Variants in ABCC5 observed in about 807,000 individuals in gnomAD.
ABCC5 encodes ATP-binding cassette sub-family C member 5.
In ABCC5, 61 loss-of-function variants were observed where a neutral mutation model predicts 160.9. The observed-to-expected ratio is 0.38, with a 90% CI of 0.31 to 0.47. ABCC5 has a LOEUF of 0.47. Ranked by LOEUF, ABCC5 falls within the 20% of genes least tolerant of loss-of-function variation. ABCC5 has a pLI of 0.99. For synonymous variants in ABCC5, 666 were observed against 700.6 expected (o/e 0.95, Z 0.78); for missense variants, 1,308 against 1,813.3 (o/e 0.72, Z 5.06).
intron 26 of ABCC5, among the ~76,000 whole-genome samples, chr3:183,930,066 G>A (rs1158954580): frequency 6.6e-6 from 1 of 152,226 alleles, no homozygotes; most frequent in Non-Finnish European, 1.5e-5. Flanking sequence ...AACATTTGGA[G>A]GTCTAGTAAT....
At position 183,963,683 on chromosome 3, in the gene ABCC5, C is replaced by A; in HGVS notation, c.2032-95G>T. 1.7e-6 allele frequency: 2 copies of A among 1,171,630 alleles called. No homozygotes were observed. The highest frequency in any genetic ancestry group is 1.2e-6 in the Non-Finnish European group (1 of 825,238). 72.6% of individuals were successfully genotyped at this position (1,171,630 alleles called of 1,614,324 possible). On this transcript the variant is annotated intron_variant, in intron 14 of 29. Coordinates refer to ENST00000334444, the MANE Select transcript of ABCC5 (RefSeq NM_005688.4). This position sits in a 1 kb window ranked among gnomAD's most constrained non-coding sequence, Gnocchi z 4.6. ...CACTTCTCTTCTTGCCCACCCAGAC[C>A]AGCTCCTTCTGTCAATTCCCCGCAG...
chr3:183,978,749 C>T (rs1180070041), intron 8 of ABCC5, 98 bp from the exon 9 acceptor site: 7 of 1,313,096 alleles, frequency 5.3e-6, no homozygotes, highest in Non-Finnish European at 7.3e-6. Context: ...TCTCCAGCCA[C>T]CCTTCAACAC....
chr3:183,940,945 G>A (rs150691624), intron 25 of ABCC5, among the ~76,000 whole-genome samples: 2 of 152,108 alleles, frequency 1.3e-5, no homozygotes, highest in African/African-American at 2.4e-5. Context: ...TGCAACCTCC[G>A]CCTCCTGGGT....
At chr3:184,009,767 C>T (rs984018244) in intron 2 of ABCC5, 6 of 210,936 alleles carry the variant, frequency 2.8e-5, no homozygotes, top group African/African-American at 1.2e-4. Flanking sequence ...GACTAAGTAA[C>T]AGAAAGAGAG....
chr3:183,951,476 C>T lies in ABCC5; in HGVS notation c.2909G>A (p.Arg970Lys). The T allele has an allele frequency of 6.8e-6, 11 of 1,614,200 alleles. No homozygotes were observed. The highest frequency in any genetic ancestry group is 9.3e-6 in the Non-Finnish European group (11 of 1,180,042). Residue 970 changes from arginine (R) to lysine (K), a missense_variant, in exon 20 of 30, where the codon AGG (arginine) becomes AAG (lysine). Physicochemically the swap from Arg to Lys is conservative, Grantham distance 26. Transcript: ENST00000334444. The surrounding 1 kb of genome is among the most constrained non-coding windows in gnomAD (Gnocchi z 4.7). ...GTCTTTGGAAAACCTGTTGAGAATC[C>T]TCCCTGTGGGGGTCGTGTCAAAAAA... ...MKFFDTTPTGRILNRFSKDMD... is the reference protein window; with the variant it reads ...MKFFDTTPTGKILNRFSKDMD...
chr3:183,923,840 A>G (rs1430194515), intron 29 of ABCC5, among the ~76,000 whole-genome samples: 1 of 152,046 alleles, frequency 6.6e-6, no homozygotes, highest in Non-Finnish European at 1.5e-5. Flanking sequence ...CTTAGCCCCC[A>G]AGTTCTCTCA....
intron 27 of ABCC5, 45 bp downstream of exon 27, chr3:183,928,702 C>A: frequency 6.4e-7 from 1 of 1,561,262 alleles, no homozygotes; most frequent in South Asian, 1.1e-5. Flanking sequence ...GCTGTGCTTC[C>A]ACCCTCACCA....
rs182604459 is a variant in ABCC5, at chr3:183,937,196, G to A, written c.3854+705C>T. Among the ~76,000 whole-genome samples, 182 of 152,174 alleles carry A rather than the reference G, an allele frequency of 1.2e-3. 3 individuals carry two copies. The highest frequency in any genetic ancestry group is 3.4e-3 in the Middle Eastern group (1 of 294). On this transcript the variant is annotated intron_variant, in intron 26 of 29. Coordinates refer to ENST00000334444, the MANE Select transcript of ABCC5 (RefSeq NM_005688.4). ...GTTCAAGGCCAGCCTGGCCAACATG[G>A]TGAAACCTCATCTCTACTAAAAATA...
At chr3:183,977,479 G>T in intron 10 of ABCC5, 38 bp downstream of exon 10, 1 of 1,456,402 alleles carries the variant, frequency 6.9e-7, no homozygotes, top group South Asian at 1.1e-5. Context: ...TGTGTGGGGA[G>T]GGCTCCTGAC....
chr3:183,927,244 GA>G (rs1712673388), intron 28 of ABCC5, 85 bp downstream of exon 28: 1 of 1,345,876 alleles, frequency 7.4e-7, no homozygotes. Context: ...TCAGAGCCAG[GA>G]ATACCTTTGG....
At chr3:183,954,003 T>C (rs931571018) in intron 17 of ABCC5, among the ~76,000 whole-genome samples, 1 of 152,226 alleles carries the variant, frequency 6.6e-6, no homozygotes, top group African/African-American at 2.4e-5. Flanking sequence ...CCACACCAGC[T>C]GCCTCTGGGA....
chr3:183,970,356 T>C (rs1386602006), intron 11 of ABCC5, among the ~76,000 whole-genome samples: 1 of 152,072 alleles, frequency 6.6e-6, no homozygotes, highest in East Asian at 1.9e-4. Context: ...ATACTACTTT[T>C]TAAATAAGGC....
In ABCC5 at chr3:183,977,594, T is replaced by C; in HGVS notation, c.1327A>G (p.Met443Val). ...GGTGTTACTTTCAAAGCAAAAGTCA[T>C]GGAATTGAAGACTGTCACCACTGTG... ...AFTVVTVFNS[M>V]TFALKVTPFS... The change falls in exon 10 of 30, where the codon ATG becomes GTG. Residue 443 changes from methionine (M) to valine (V), a missense_variant. By Grantham distance (21) the Met-to-Val change is conservative. Around this residue, in one of 3 missense-constraint regions of ABCC5, gnomAD observed 1,142 missense variants for 1,527.1 expected, o/e 0.75. Coordinates refer to ENST00000334444, the MANE Select transcript of ABCC5 (RefSeq NM_005688.4). The C allele has an allele frequency of 1.2e-6, 2 of 1,614,046 alleles. No individual in the cohort carries two copies. The highest frequency in any genetic ancestry group is 1.7e-6 in the Non-Finnish European group (2 of 1,179,932).
rs534424108 is a variant in ABCC5 at position 183,951,808 on chromosome 3, G to A, written c.2814+49C>T. ...ACTGAGAGACGCCACACCAAAGCCT[G>A]ACCACAGGTCACCAGGGAGGAGGGC... On this transcript the variant is annotated intron_variant, in intron 19 of 29. Transcript: ENST00000334444. The surrounding 1 kb of genome is among the most constrained non-coding windows in gnomAD (Gnocchi z 4.7). The A allele has an allele frequency of 2.4e-4, 385 of 1,595,220 alleles. 4 individuals are homozygous for A. In the South Asian group the frequency reaches 4.1e-3, roughly 17 times the overall value.
In ABCC5 at chr3:183,949,827, G is replaced by C. The variant is rs775681682; in HGVS notation, c.3153C>G (p.Leu1051=). Residue 1051 remains leucine, a synonymous_variant, in exon 22 of 30, where the codon CTC becomes CTG. Coordinates refer to ENST00000334444, the MANE Select transcript of ABCC5 (RefSeq NM_005688.4). This position sits in a 1 kb window ranked among gnomAD's most constrained non-coding sequence, Gnocchi z 4.2. ...RLDNITQSPF[L]SHITSSIQGL... The stretch of plus-strand genomic sequence containing the variant: ...CCTGTATGCTGGACGTGATGTGGGA[G>C]AGGAAAGGTGACTGCGTGATATTGT... 6.2e-7 allele frequency: 1 copy of C among 1,614,234 alleles called. No individual in the cohort carries two copies. The highest frequency in any genetic ancestry group is 1.1e-5 in the South Asian group (1 of 91,082).
chr3:183,940,806 G>A (rs542729545), intron 25 of ABCC5, among the ~76,000 whole-genome samples: 2 of 152,214 alleles, frequency 1.3e-5, no homozygotes, highest in Non-Finnish European at 2.9e-5. Flanking sequence ...AGTTACCCGT[G>A]AAACTTGGAA....
intron 17 of ABCC5, among the ~76,000 whole-genome samples, chr3:183,953,530 C>T (rs1715580669): frequency 6.6e-6 from 1 of 152,084 alleles, no homozygotes; most frequent in Non-Finnish European, 1.5e-5. Context: ...GAGGAGCCTG[C>T]CACAGACTGG....
intron 11 of ABCC5, among the ~76,000 whole-genome samples, chr3:183,969,735 C>T (rs1717567510): frequency 6.6e-6 from 1 of 151,030 alleles, no homozygotes; most frequent in Admixed American, 6.6e-5. Flanking sequence ...AAAAACCTGA[C>T]TTGCATGCCC....
At chr3:183,947,562 G>A (rs779431546) in intron 22 of ABCC5, 52 bp from the exon 23 acceptor site, 32 of 1,427,138 alleles carry the variant, frequency 2.2e-5, no homozygotes, top group African/African-American at 2.9e-5. Flanking sequence ...ACAACCCCGC[G>A]CATGGACAAA....
Sources: gnomAD v4.1 joint callset for allele counts (sites outside exome capture counted in the v4.1 genomes callset) on GRCh38, gnomAD v4.1.1 for gene constraint, gnomAD v4.1.1 regional missense constraint, Gnocchi (gnomAD v3.1) non-coding constraint, MANE v1.5 for transcripts, NCBI Gene and HGNC (gene_info 2026-07-23, HGNC 2026-07-21) for gene names.